TMPRSS12: variants seen among roughly 807,000 people sequenced by gnomAD.
TMPRSS12 encodes transmembrane serine protease 12.
Under a neutral mutation model 26.0 loss-of-function variants are expected in TMPRSS12, and 25 were observed. The observed-to-expected ratio is 0.96, with a 90% CI of 0.70 to 1.34. The LOEUF (loss-of-function observed/expected upper bound fraction) is 1.34, where lower values mean the gene tolerates loss of function less well. TMPRSS12 is among the 40% of genes most tolerant of loss of function. The pLI is 0.00. For synonymous variants in TMPRSS12, 150 were observed against 161.7 expected (o/e 0.93, Z 0.55); for missense variants, 441 against 440.1 (o/e 1.00, Z -0.02).
At chr12:50,878,385 C>T (rs1393838046) in intron 3 of TMPRSS12, among the ~76,000 whole-genome samples, 1 of 151,726 alleles carries the variant, frequency 6.6e-6, no homozygotes, top group Non-Finnish European at 1.5e-5. Context: ...ATTTAAAGAC[C>T]AGCCTGCGCA....
chr12:50,883,662 C>T (rs1938196610), intron 3 of TMPRSS12, among the ~76,000 whole-genome samples: 1 of 152,190 alleles, frequency 6.6e-6, no homozygotes, highest in African/African-American at 2.4e-5. Flanking sequence ...GGTGACACAG[C>T]AAGATTCTGT....
chr12:50,869,191 AAAGAT>A (rs1418451952), intron 3 of TMPRSS12, among the ~76,000 whole-genome samples: 12 of 152,106 alleles, frequency 7.9e-5, no homozygotes, highest in African/African-American at 2.9e-4. Context: ...AAAAAATACA[AAAGAT>A]AAGTGAAACA....
At chr12:50,881,767 G>A (rs1441186859) in intron 3 of TMPRSS12, among the ~76,000 whole-genome samples, 2 of 150,356 alleles carry the variant, frequency 1.3e-5, no homozygotes, top group African/African-American at 2.4e-5. Flanking sequence ...TCAAGAGTCC[G>A]AGACCAGCCT....
intron 3 of TMPRSS12, among the ~76,000 whole-genome samples, chr12:50,860,903 G>A (rs1937928057): frequency 6.6e-6 from 1 of 151,998 alleles, no homozygotes; most frequent in African/African-American, 2.4e-5. Flanking sequence ...GAGCCATTGT[G>A]CCCAGCTTTT....
intron 2 of TMPRSS12, among the ~76,000 whole-genome samples, chr12:50,846,308 A>G (rs1045159970): frequency 6.6e-5 from 10 of 152,054 alleles, no homozygotes; most frequent in Non-Finnish European, 1.2e-4. Context: ...TTTTGAGTCC[A>G]TTTTTGCATA....
chr12:50,853,472 C>G (rs1937845062), intron 2 of TMPRSS12, among the ~76,000 whole-genome samples: 2 of 150,254 alleles, frequency 1.3e-5, no homozygotes, highest in South Asian at 2.1e-4. Context: ...TAACCAAAAT[C>G]ACAGCTGAAT....
At chr12:50,886,399 C>T (rs1369279341) in intron 4 of TMPRSS12, 1 of 152,152 alleles carries the variant, frequency 6.6e-6, no homozygotes, top group African/African-American at 2.4e-5. Context: ...ACTAGTCCTT[C>T]ACTCCTGAGT....
chr12:50,882,999 T>C (rs1189991547), intron 3 of TMPRSS12, among the ~76,000 whole-genome samples: 1 of 152,134 alleles, frequency 6.6e-6, no homozygotes, highest in Non-Finnish European at 1.5e-5. Context: ...AACAAATTAT[T>C]AGTAATAACA....
chr12:50,887,571 T>C lies in TMPRSS12; in HGVS notation c.*58T>C, dbSNP rs1938241010. On this transcript the variant is annotated 3_prime_UTR_variant, in exon 5 of 5. Transcript: ENST00000398458. ...GCATTGTGTCCCTTTCTATGTTCTA[T>C]ATAATGAACATCATTTATTCTTCTA... 9.1e-6 allele frequency: 14 copies of C among 1,540,982 alleles called. No individual in the cohort carries two copies. The highest frequency in any genetic ancestry group is 1.7e-4 in the Middle Eastern group (1 of 5,744).
intron 3 of TMPRSS12, among the ~76,000 whole-genome samples, chr12:50,861,295 C>T (rs1937932061): frequency 6.6e-6 from 1 of 152,056 alleles, no homozygotes. Context: ...CTTTTTTCTT[C>T]CTATTCCCCA....
rs768224557 is a variant in TMPRSS12, at chr12:50,858,737, CTTAG to C, written c.384-44_384-41del. 3.6e-5 allele frequency: 49 copies of C among 1,366,534 alleles called. No homozygotes were observed. The African/African-American group carries it at 5.1e-4, about 14-fold the overall frequency. The allele number at this position is 1,366,534 out of a possible 1,614,324, so 84.7% of individuals were successfully genotyped here. The stretch of plus-strand genomic sequence containing the variant: ...ACTAGTGGGAGATTAAGAATATGTA[CTTAG>C]TTAATTAAAGATATTTATAATAAGA... On this transcript the variant is annotated intron_variant, in intron 2 of 4. Coordinates refer to ENST00000398458, the MANE Select transcript of TMPRSS12 (RefSeq NM_182559.3).
At position 50,843,085 on chromosome 12, in the gene TMPRSS12, T is replaced by TCCCA. The variant is rs1165858209; in HGVS notation, c.122_125dup (p.Gln42HisfsTer5). 5 of 1,584,850 alleles carry TCCCA rather than the reference T, an allele frequency of 3.2e-6. No homozygotes were observed. In the South Asian group the frequency reaches 4.6e-5, roughly 15 times the overall value. On this transcript the variant is annotated frameshift_variant, in exon 1 of 5. Coordinates refer to ENST00000398458, the MANE Select transcript of TMPRSS12 (RefSeq NM_182559.3). LOFTEE classifies it high-confidence loss of function. ...CCCCTCGCCGGAACCGGCGGCTAGT[T>TCCCA]CCCAGCAGGCTGAGGCCGTCCGCAA...
intron 3 of TMPRSS12, among the ~76,000 whole-genome samples, chr12:50,882,635 C>T (rs993397357): frequency 8.5e-5 from 13 of 152,338 alleles, no homozygotes; most frequent in Admixed American, 2.6e-4. Flanking sequence ...TTAGACAAAA[C>T]GAATAAATTC....
At chr12:50,865,960 G>A (rs1159066990) in intron 3 of TMPRSS12, among the ~76,000 whole-genome samples, 1 of 152,048 alleles carries the variant, frequency 6.6e-6, no homozygotes, top group South Asian at 2.1e-4. Flanking sequence ...CAGATGGGAG[G>A]CAGAACTAGA....
intron 3 of TMPRSS12, among the ~76,000 whole-genome samples, chr12:50,864,365 T>C (rs1937967764): frequency 6.6e-6 from 1 of 152,114 alleles, no homozygotes; most frequent in African/African-American, 2.4e-5. Flanking sequence ...ATAATTAATA[T>C]ATTTAACATA....
rs147804767 is a variant in TMPRSS12 at position 50,887,308 on chromosome 12, G to C, written c.842G>C (p.Arg281Thr). The C allele has an allele frequency of 9.9e-5, 159 of 1,613,756 alleles. 2 individuals are homozygous for C. The highest frequency in any genetic ancestry group is 1.7e-5 in the Non-Finnish European group (20 of 1,179,866). ...PLMCYLPEYKRFFVMGITSYG... is the reference protein window; with the variant it reads ...PLMCYLPEYKTFFVMGITSYG... Reference sequence around the variant, plus strand: ...ATGTGCTACTTACCAGAATATAAAAGATTTTTTGTAATGGGAATTACCAGT... The same window carrying C: ...ATGTGCTACTTACCAGAATATAAAACATTTTTTGTAATGGGAATTACCAGT... The change falls in exon 5 of 5, where the codon AGA becomes ACA. Residue 281 changes from arginine to threonine, a missense_variant. Coordinates refer to ENST00000398458, the MANE Select transcript of TMPRSS12 (RefSeq NM_182559.3).
chr12:50,850,412 C>G (rs1438621584), intron 2 of TMPRSS12, among the ~76,000 whole-genome samples: 1 of 152,126 alleles, frequency 6.6e-6, no homozygotes, highest in Non-Finnish European at 1.5e-5. Context: ...GACCCTGTCT[C>G]TACAAAAAAT....
chr12:50,853,435 A>G (rs759080437), intron 2 of TMPRSS12, among the ~76,000 whole-genome samples: 1 of 152,138 alleles, frequency 6.6e-6, no homozygotes, highest in African/African-American at 2.4e-5. Context: ...GAACAAACCA[A>G]CCCCAAAGCT....
chr12:50,884,266 A>C (rs1938202072), intron 3 of TMPRSS12, among the ~76,000 whole-genome samples: 1 of 152,184 alleles, frequency 6.6e-6, no homozygotes, highest in African/African-American at 2.4e-5. Context: ...AGTACTACCA[A>C]GTGTGTTAAT....
Sources: allele counts gnomAD v4.1 joint callset (sites outside exome capture counted in the v4.1 genomes callset), GRCh38; gene constraint gnomAD v4.1.1; transcripts MANE v1.5; gene names NCBI Gene and HGNC (gene_info 2026-07-23, HGNC 2026-07-21).